Variants in ARHGAP9 observed in about 807,000 individuals in gnomAD.
ARHGAP9 encodes the protein Rho GTPase activating protein 9, also known as rho GTPase-activating protein 9.
A neutral mutation model predicts 87.3 loss-of-function variants in ARHGAP9; 76 were observed. That is an observed-to-expected ratio of 0.87 (90% CI 0.72 to 1.05). The LOEUF (loss-of-function observed/expected upper bound fraction) is 1.05. Among genes scored for constraint, ARHGAP9 ranks in the 50% least tolerant of loss-of-function variants. The pLI is 0.00. For missense variants in ARHGAP9, 941 were observed against 960.5 expected, an observed-to-expected ratio of 0.98 and a Z score of 0.27; for synonymous variants, 382 against 394.9, an observed-to-expected ratio of 0.97 and a Z score of 0.39.
chr12:57,477,152 T>C lies in ARHGAP9; in HGVS notation c.870+4A>G. On this transcript the variant is annotated splice_donor_region_variant and intron_variant, in intron 5 of 17. Transcript: ENST00000393791. Reference sequence around the variant, plus strand: ...ATGTGACTGGGAGATGGGAGGGATCTCACCTGTGGGTCAAGCGGTTCTGGG... The same window carrying C: ...ATGTGACTGGGAGATGGGAGGGATCCCACCTGTGGGTCAAGCGGTTCTGGG... The C allele has an allele frequency of 6.2e-7, 1 of 1,613,496 alleles. No homozygotes were observed. Among genetic ancestry groups the C allele is most frequent in the Admixed American group, 1.7e-5 (1 of 59,990 alleles).
Position 57,477,509 on chromosome 12 carries a change from G to T in ARHGAP9, c.706C>A (p.Leu236Met). The T allele has an allele frequency of 6.2e-7, 1 of 1,614,146 alleles. No homozygotes were observed. Among genetic ancestry groups the T allele is most frequent in the Non-Finnish European group, 8.5e-7 (1 of 1,180,010 alleles). Residue 236 changes from leucine to methionine, a missense_variant, in exon 4 of 18, where the codon CTG (leucine) becomes ATG (methionine). Transcript: ENST00000393791. ...GGCTTCCAGGACTTGCAGCCAGTCA[G>T]TGAATTTATGTAGAAGCAGCGTCCA... ...NSGRCFYINS[L>M]TGCKSWKPPR...
In ARHGAP9 at chr12:57,472,484, C is replaced by G; in HGVS notation, c.*33G>C. 1 of 1,607,532 alleles carries G rather than the reference C, an allele frequency of 6.2e-7. No homozygotes were observed. Among genetic ancestry groups the G allele is most frequent in the Non-Finnish European group, 8.5e-7 (1 of 1,176,170 alleles). Reference sequence around the variant, plus strand: ...CCAGCCTCTCACCACCAGAGATGACCGGAAATATGTTTTCTCTTCTTCCTT... The same window carrying G: ...CCAGCCTCTCACCACCAGAGATGACGGGAAATATGTTTTCTCTTCTTCCTT... On this transcript the variant is annotated 3_prime_UTR_variant, in exon 18 of 18. Transcript: ENST00000393791.
intron 6 of ARHGAP9, 49 bp from the exon 7 acceptor site, chr12:57,476,700 G>T (rs1389433004): frequency 1.2e-6 from 2 of 1,611,920 alleles, no homozygotes; most frequent in East Asian, 4.5e-5. Context: ...GCCCTCCATA[G>T]TGGCCACGGC....
upstream of ARHGAP9, among the ~76,000 whole-genome samples, chr12:57,483,563 A>C (rs1012079827): frequency 6.6e-6 from 1 of 152,128 alleles, no homozygotes; most frequent in African/African-American, 2.4e-5. Flanking sequence ...CACAGTCTCC[A>C]CCACAAACTC....
In ARHGAP9 at chr12:57,475,544, T is replaced by C; in HGVS notation, c.1383A>G (p.Glu461=). The change falls in exon 11 of 18, where the codon GAA becomes GAG. Residue 461 remains glutamate, a synonymous_variant. Coordinates refer to ENST00000393791, the MANE Select transcript of ARHGAP9 (RefSeq NM_032496.4). The part of the protein sequence containing the change: ...GPAELSAGED[E]EEESELVSKP... ...TGGACACCAGCTCCGACTCCTCTTCTTCGTCCTCCCCGGCGCTCAGCTCCG... is the reference window on the plus strand; with the variant it reads ...TGGACACCAGCTCCGACTCCTCTTCCTCGTCCTCCCCGGCGCTCAGCTCCG... 1 of 1,608,412 alleles carries C rather than the reference T, an allele frequency of 6.2e-7. No homozygotes were observed. Among genetic ancestry groups the C allele is most frequent in the Non-Finnish European group, 8.5e-7 (1 of 1,177,972 alleles).
At position 57,479,212 on chromosome 12, in the gene ARHGAP9, T is replaced by G; in HGVS notation, c.195A>C (p.Arg65Ser). Reference sequence around the variant, plus strand: ...GAGAGGTGGAGGGAGCTTCTAGGCGTCTTGCCAACCACCAGTCGGAGTTGG... The same window carrying G: ...GAGAGGTGGAGGGAGCTTCTAGGCGGCTTGCCAACCACCAGTCGGAGTTGG... The part of the protein sequence containing the change: ...RKTNSDWWLA[R>S]RLEAPSTSRP... The change falls in exon 2 of 18, where the codon AGA becomes AGC. Residue 65 changes from arginine (R) to serine (S), a missense_variant. Transcript: ENST00000393791. The G allele has an allele frequency of 1.2e-6, 2 of 1,614,140 alleles. No homozygotes were observed. The highest frequency in any genetic ancestry group is 1.7e-6 in the Non-Finnish European group (2 of 1,180,008).
chr12:57,477,447 G>A lies in ARHGAP9; in HGVS notation c.756+12C>T. On this transcript the variant is annotated intron_variant, in intron 4 of 17. Coordinates refer to ENST00000393791, the MANE Select transcript of ARHGAP9 (RefSeq NM_032496.4). ...TGAGGGGACAGTGGAGAAGCAGGAG[G>A]TAAGGTCTCACCGTCTCGCTGCGAC... The A allele has an allele frequency of 6.2e-7, 1 of 1,613,394 alleles. No homozygotes were observed. Among genetic ancestry groups the A allele is most frequent in the South Asian group, 1.1e-5 (1 of 91,014 alleles).
At chr12:57,474,206 T>C in intron 15 of ARHGAP9, 30 bp from the exon 16 acceptor site, 1 of 1,601,186 alleles carries the variant, frequency 6.2e-7, no homozygotes, top group Non-Finnish European at 8.5e-7. Flanking sequence ...TAGGGGCTCA[T>C]GAAGGGCCAG....
rs1400628406 is a variant in ARHGAP9 at position 57,474,921 on chromosome 12, C to T, written c.1605G>A (p.Thr535=). ...TGCAGAGCCGCAAAAAGCTGGGCAC[C>T]GTGTCTCCTTCCCGCTGGCAGAGTG... ...LESLCQREGD[T]VPSFLRLCIA... Residue 535 remains threonine (T), a synonymous_variant, in exon 13 of 18, where the codon ACG becomes ACA. Coordinates refer to ENST00000393791, the MANE Select transcript of ARHGAP9 (RefSeq NM_032496.4). 1 of 1,614,122 alleles carries T rather than the reference C, an allele frequency of 6.2e-7. No individual in the cohort carries two copies. The highest frequency in any genetic ancestry group is 1.7e-5 in the Admixed American group (1 of 60,024).
At chr12:57,477,705 G>T (rs375916562) in intron 3 of ARHGAP9, 25 bp from the exon 4 acceptor site, 57 of 1,606,586 alleles carry the variant, frequency 3.5e-5, no homozygotes, top group Non-Finnish European at 4.7e-5. Flanking sequence ...GGAAGAAGGA[G>T]GTGGTCATTC....
chr12:57,474,579 C>A, intron 14 of ARHGAP9, 47 bp downstream of exon 14: 1 of 1,613,498 alleles, frequency 6.2e-7, no homozygotes, highest in Non-Finnish European at 8.5e-7. Context: ...CCATGGTTCT[C>A]AGGCAAGACA....
chr12:57,479,305 A>C lies in ARHGAP9; in HGVS notation c.102T>G (p.Thr34=). ...GSQLCALYAF[T]YTGADGQQVS... ...CCTGCTGGCCATCTGCCCCAGTATAAGTAAAGGCATAGAGGGCACAGAGCT... is the reference window on the plus strand; with the variant it reads ...CCTGCTGGCCATCTGCCCCAGTATACGTAAAGGCATAGAGGGCACAGAGCT... The change falls in exon 2 of 18, where the codon ACT becomes ACG. Residue 34 remains threonine, a synonymous_variant. Transcript: ENST00000393791. 1 of 1,614,214 alleles carries C rather than the reference A, an allele frequency of 6.2e-7. No individual in the cohort carries two copies. The highest frequency in any genetic ancestry group is 8.5e-7 in the Non-Finnish European group (1 of 1,180,038).
At chr12:57,480,680 A>T (rs1160715852), upstream of ARHGAP9, 1 of 1,138,088 alleles carries the variant, frequency 8.8e-7, no homozygotes, top group African/African-American at 1.5e-5. Flanking sequence ...TGACAGGTAG[A>T]TAGGGGACTG....
At chr12:57,488,040 T>A in intron 1 of ARHGAP9, 3 of 1,529,810 alleles carry the variant, frequency 2.0e-6, no homozygotes, top group Non-Finnish European at 2.7e-6. Context: ...GCCGCTGAAC[T>A]CAGAAGCGGG....
intron 16 of ARHGAP9, 117 bp downstream of exon 16, chr12:57,473,925 A>C (rs1292048997): frequency 1.4e-6 from 2 of 1,437,066 alleles, no homozygotes; most frequent in Non-Finnish European, 1.8e-6. Context: ...TGAGTTGAAC[A>C]TTATTTTCCA....
intron 12 of ARHGAP9, 153 bp from the exon 13 acceptor site, chr12:57,475,126 T>A: frequency 9.0e-7 from 1 of 1,117,144 alleles, no homozygotes; most frequent in Non-Finnish European, 1.3e-6. Context: ...TTCCCCTGCT[T>A]CAAACAATCT....
upstream of ARHGAP9, among the ~76,000 whole-genome samples, chr12:57,482,220 T>C (rs1875064120): frequency 6.6e-6 from 1 of 151,924 alleles, no homozygotes. Context: ...TGCAACATAG[T>C]GAGATCCTGC....
intron 1 of ARHGAP9, chr12:57,488,486 C>G (rs1187912035): frequency 7.4e-7 from 1 of 1,354,384 alleles, no homozygotes. Context: ...CAACCTTCTC[C>G]TACACCTATC....
In ARHGAP9 at chr12:57,473,689, C is replaced by T. The variant is rs940039065; in HGVS notation, c.1938G>A (p.Gln646=). ...RAALALSESE[Q]CLSQIQELIG... ...TTAATTCTTGTATCTGAGAGAGGCA[C>T]TGCTCTGATTCGGAGAGTGCTAGAG... The change falls in exon 17 of 18, where the codon CAG becomes CAA. Residue 646 remains glutamine, a synonymous_variant. Transcript: ENST00000393791. 1.2e-6 allele frequency: 2 copies of T among 1,613,944 alleles called. No individual in the cohort carries two copies. Among genetic ancestry groups the T allele is most frequent in the Non-Finnish European group, 8.5e-7 (1 of 1,179,934 alleles).
Sources: allele counts gnomAD v4.1 joint callset (sites outside exome capture counted in the v4.1 genomes callset), GRCh38; gene constraint gnomAD v4.1.1; transcripts MANE v1.5; gene names NCBI Gene and HGNC (gene_info 2026-07-23, HGNC 2026-07-21).